The following GRIK2 variants were observed in gnomAD, a reference collection of about 807,000 sequenced individuals.
GRIK2 encodes the protein glutamate receptor ionotropic, kainate 2.
A neutral mutation model predicts 100.3 loss-of-function variants in GRIK2; 32 were observed. That is an observed-to-expected ratio of 0.32 (90% CI 0.24 to 0.43). The LOEUF is 0.43. Among genes scored for constraint, GRIK2 ranks in the 20% least tolerant of loss-of-function variants. The pLI, the probability that GRIK2 is intolerant of heterozygous loss-of-function variation, is 1.00. For synonymous variants in GRIK2, 417 were observed against 389.4 expected, an observed-to-expected ratio of 1.07 and a Z score of -0.83; for missense variants, 843 against 1,114.9, an observed-to-expected ratio of 0.76 and a Z score of 3.47.
chr6:101,696,248 T>G (rs1483233275), intron 7 of GRIK2, among the ~76,000 whole-genome samples: 1 of 151,852 alleles, frequency 6.6e-6, no homozygotes. Context: ...TATTTAAAAA[T>G]AGAGATTCTA....
intron 2 of GRIK2, among the ~76,000 whole-genome samples, chr6:101,573,566 T>G (rs1417783198): frequency 3.3e-5 from 5 of 152,202 alleles, no homozygotes; most frequent in African/African-American, 1.2e-4. Context: ...GTAAACAAAT[T>G]CCAAAATTAG....
intron 14 of GRIK2, among the ~76,000 whole-genome samples, chr6:102,008,817 C>A (rs747211191): frequency 6.6e-6 from 1 of 151,938 alleles, no homozygotes; most frequent in Non-Finnish European, 1.5e-5. Context: ...CATTTATAAC[C>A]AGAACCATGC....
At chr6:102,006,201 A>G (rs943051155) in intron 14 of GRIK2, among the ~76,000 whole-genome samples, 5 of 152,008 alleles carry the variant, frequency 3.3e-5, no homozygotes, top group Non-Finnish European at 7.4e-5. Context: ...AAAAAATATA[A>G]CATTGTGTAA....
At chr6:101,404,174 A>G (rs1775483038) in intron 2 of GRIK2, among the ~76,000 whole-genome samples, 1 of 152,182 alleles carries the variant, frequency 6.6e-6, no homozygotes, top group Non-Finnish European at 1.5e-5. Context: ...GGTTTAATGC[A>G]AGTGATCATT....
At position 101,682,548 on chromosome 6, in the gene GRIK2, C is replaced by A; in HGVS notation, c.724-5C>A. ...GTACCTTCAGTAATTTTTTTTTTTC[C>A]TTAGGCATTAGCTATGGGAATGATG... is the stretch of plus-strand genomic sequence containing the variant. On this transcript the variant is annotated splice_polypyrimidine_tract_variant and splice_region_variant and intron_variant, in intron 5 of 16. Transcript: ENST00000369134. 1.6e-6 allele frequency: 2 copies of A among 1,250,522 alleles called. No homozygotes were observed. Among genetic ancestry groups the A allele is most frequent in the Admixed American group, 1.8e-5 (1 of 54,164 alleles). The allele number at this position is 1,250,522 out of a possible 1,614,324, so 77.5% of individuals were successfully genotyped here.
chr6:101,765,293 T>C (rs1777979263), intron 7 of GRIK2, among the ~76,000 whole-genome samples: 1 of 152,186 alleles, frequency 6.6e-6, no homozygotes, highest in Non-Finnish European at 1.5e-5. Flanking sequence ...AGGCAGACCC[T>C]ACATATATCT....
intron 2 of GRIK2, among the ~76,000 whole-genome samples, chr6:101,617,845 A>T (rs146772727): frequency 6.6e-5 from 10 of 151,230 alleles, no homozygotes; most frequent in African/African-American, 2.2e-4. Flanking sequence ...TCCCTCTGTC[A>T]CACACACACA....
intron 10 of GRIK2, among the ~76,000 whole-genome samples, chr6:101,858,926 A>G (rs1327209023): frequency 6.6e-6 from 1 of 151,982 alleles, no homozygotes; most frequent in African/African-American, 2.4e-5. Context: ...TTGAGGTATT[A>G]TAATCATGGT....
intron 2 of GRIK2, among the ~76,000 whole-genome samples, chr6:101,438,554 A>G (rs1769865131): frequency 6.6e-6 from 1 of 152,132 alleles, no homozygotes; most frequent in Non-Finnish European, 1.5e-5. Context: ...AGTCCTTTAG[A>G]AAGACCAAAA....
intron 4 of GRIK2, among the ~76,000 whole-genome samples, chr6:101,656,302 CAA>C (rs111721256): frequency 2.6e-4 from 22 of 83,912 alleles, no homozygotes; most frequent in Non-Finnish European, 2.4e-4. Context: ...AGACTCCATC[CAA>C]AAAAAAAAAA....
chr6:102,039,682 G>A (rs910397111), intron 15 of GRIK2, among the ~76,000 whole-genome samples: 1 of 151,510 alleles, frequency 6.6e-6, no homozygotes, highest in African/African-American at 2.4e-5. Flanking sequence ...TTTTTCAAAT[G>A]TTGAGTGCAT....
At chr6:101,464,939 A>T (rs750702755) in intron 2 of GRIK2, among the ~76,000 whole-genome samples, 46 of 152,128 alleles carry the variant, frequency 3.0e-4, no homozygotes, top group Non-Finnish European at 5.6e-4. Context: ...TTAGATTAAT[A>T]TTCTTTCTAA....
At chr6:101,991,389 A>G (rs1360547542) in intron 14 of GRIK2, among the ~76,000 whole-genome samples, 4 of 79,786 alleles carry the variant, frequency 5.0e-5, no homozygotes, top group Non-Finnish European at 7.0e-5. Context: ...CTTATTTGCT[A>G]TGTTTTTTTT....
At chr6:101,551,261 G>A (rs1050623696) in intron 2 of GRIK2, among the ~76,000 whole-genome samples, 2 of 152,118 alleles carry the variant, frequency 1.3e-5, no homozygotes, top group African/African-American at 2.4e-5. Flanking sequence ...GGAGAGCTTC[G>A]TATAGCACTT....
chr6:101,924,780 C>G (rs960526761), intron 13 of GRIK2, 61 bp downstream of exon 13: 4 of 1,043,544 alleles, frequency 3.8e-6, no homozygotes, highest in South Asian at 1.3e-5. Context: ...CTGGGGGTGA[C>G]AGCTCTTGCT....
At chr6:101,711,827 G>A (rs934848704) in intron 7 of GRIK2, among the ~76,000 whole-genome samples, 1 of 151,648 alleles carries the variant, frequency 6.6e-6, no homozygotes, top group Non-Finnish European at 1.5e-5. Flanking sequence ...AGCTACAATT[G>A]GCCAAAATGT....
At chr6:101,764,877 C>T (rs1056184039) in intron 7 of GRIK2, among the ~76,000 whole-genome samples, 1 of 152,008 alleles carries the variant, frequency 6.6e-6, no homozygotes, top group Non-Finnish European at 1.5e-5. Flanking sequence ...AATCTACGCT[C>T]CTAGCCATGG....
At chr6:101,784,024 G>A (rs1779268540) in intron 7 of GRIK2, among the ~76,000 whole-genome samples, 1 of 152,232 alleles carries the variant, frequency 6.6e-6, no homozygotes, top group South Asian at 2.1e-4. Flanking sequence ...CCATGTGGTA[G>A]AAAAGAAAAA....
At chr6:101,624,367 C>T (rs941606901) in intron 3 of GRIK2, among the ~76,000 whole-genome samples, 4 of 151,968 alleles carry the variant, frequency 2.6e-5, no homozygotes, top group African/African-American at 7.2e-5. Flanking sequence ...AGTCTAGCCA[C>T]CATTTATACT....
Sources: gnomAD v4.1 joint callset for allele counts (sites outside exome capture counted in the v4.1 genomes callset) on GRCh38, gnomAD v4.1.1 for gene constraint, MANE v1.5 for transcripts, NCBI Gene and HGNC (gene_info 2026-07-23, HGNC 2026-07-21) for gene names.